The following MYBL2 variants were observed in gnomAD, a reference collection of about 807,000 sequenced individuals.
MYBL2 encodes the protein MYB proto-oncogene like 2, also known as myb-related protein B.
In MYBL2, 28 loss-of-function variants were observed where a neutral mutation model predicts 79.9. The observed-to-expected ratio is 0.35, with a 90% CI of 0.26 to 0.48. MYBL2 has a LOEUF of 0.48. MYBL2 is among the 20% of genes least tolerant of loss of function. MYBL2 has a pLI of 0.99. For synonymous variants in MYBL2, 378 were observed against 361.2 expected (o/e 1.05, Z -0.53); for missense variants, 735 against 893.9 (o/e 0.82, Z 2.27).
chr20:43,671,999 G>T (rs1986871402), intron 1 of MYBL2, among the ~76,000 whole-genome samples: 1 of 150,768 alleles, frequency 6.6e-6, no homozygotes. Context: ...CACGAGGTCA[G>T]GAGTTCAAGA....
chr20:43,669,889 G>A (rs1986818015), intron 1 of MYBL2, among the ~76,000 whole-genome samples: 1 of 152,166 alleles, frequency 6.6e-6, no homozygotes, highest in African/African-American at 2.4e-5. Flanking sequence ...ACTTTGGGAG[G>A]CCAAGAGTTC....
intron 7 of MYBL2, among the ~76,000 whole-genome samples, chr20:43,700,590 A>G (rs1411692606): frequency 1.3e-5 from 2 of 152,110 alleles, no homozygotes; most frequent in Non-Finnish European, 2.9e-5. Context: ...TGCATCGGCC[A>G]GGCCTGCTGT....
chr20:43,667,523 CTGTTGGGCCTCGGAGCTGGGACGG>C (rs1437013788), intron 1 of MYBL2, among the ~76,000 whole-genome samples: 2 of 152,136 alleles, frequency 1.3e-5, no homozygotes, highest in Non-Finnish European at 2.9e-5. Context: ...CTCCCCAGGC[CTGTTGGGCCTCGGAGCTGGGACGG>C]GCGGGTCTCT....
chr20:43,699,353 ATTAC>A (rs1987630493), intron 6 of MYBL2, among the ~76,000 whole-genome samples: 1 of 152,196 alleles, frequency 6.6e-6, no homozygotes, highest in South Asian at 2.1e-4. Flanking sequence ...ACCTCTGTGT[ATTAC>A]TTCTTTCATC....
At chr20:43,673,613 C>A in intron 1 of MYBL2, 193 bp from the exon 2 acceptor site, 1 of 669,262 alleles carries the variant, frequency 1.5e-6, no homozygotes, top group Non-Finnish European at 2.8e-6. Flanking sequence ...AATTCCAGCC[C>A]AGTGACAGAG....
rs560153894 is a variant in MYBL2, at chr20:43,713,022, G to T, written c.1740G>T (p.Lys580Asn). Residue 580 changes from lysine (K) to asparagine (N), a missense_variant, in exon 12 of 14, where the codon AAG becomes AAT. Lys to Asn is a moderately conservative substitution (Grantham distance 94). Around this residue, in one of 5 missense-constraint regions of MYBL2, gnomAD observed 204 missense variants for 202.9 expected, o/e 1.01. Transcript: ENST00000217026. ...CCTAGCTGCGGCGGAGCCCCATCAA[G>T]AAAGTCCGGAAGTCTCTGGCTCTTG... ...RKPGLRRSPI[K>N]KVRKSLALDI... 1.9e-5 allele frequency: 30 copies of T among 1,612,400 alleles called. No homozygotes were observed. Among genetic ancestry groups the T allele is most frequent in the Non-Finnish European group, 2.5e-5 (30 of 1,179,334 alleles).
chr20:43,669,439 C>T (rs923067672), intron 1 of MYBL2, among the ~76,000 whole-genome samples: 9 of 152,220 alleles, frequency 5.9e-5, no homozygotes, highest in African/African-American at 2.2e-4. Context: ...CTCCACAGCC[C>T]TCAGCCCATT....
In MYBL2 at chr20:43,667,556, C is replaced by G. The variant is rs889679397; in HGVS notation, c.20+253C>G. ...CCTCGGAGCTGGGACGGGCGGGTCT[C>G]TTGGGACCCGGGCCAAGCCGTGCAT... On this transcript the variant is annotated intron_variant, in intron 1 of 13. Transcript: ENST00000217026. Among the ~76,000 whole-genome samples, 12 of 152,196 alleles carry G rather than the reference C, an allele frequency of 7.9e-5. No homozygotes were observed. In the East Asian group the frequency reaches 2.3e-3, roughly 30 times the overall value.
chr20:43,673,699 C>T (rs747814829), intron 1 of MYBL2, 107 bp from the exon 2 acceptor site: 1 of 1,013,100 alleles, frequency 9.9e-7, no homozygotes, highest in Non-Finnish European at 1.6e-6. Context: ...AAGAGCCTCT[C>T]TCCCCCAGAC....
At chr20:43,689,346 G>A (rs932385458) in intron 5 of MYBL2, among the ~76,000 whole-genome samples, 1 of 152,140 alleles carries the variant, frequency 6.6e-6, no homozygotes, top group African/African-American at 2.4e-5. Context: ...GGCTTCCCCT[G>A]ACACTTGGGT....
intron 6 of MYBL2, among the ~76,000 whole-genome samples, chr20:43,698,307 C>T (rs1987598881): frequency 6.7e-6 from 1 of 149,186 alleles, no homozygotes; most frequent in Non-Finnish European, 1.5e-5. Context: ...GCCTTGGCCT[C>T]CCAAAGTGTT....
At chr20:43,686,805 C>T (rs373580243) in intron 4 of MYBL2, 47 bp from the exon 5 acceptor site, 72 of 1,574,892 alleles carry the variant, frequency 4.6e-5, no homozygotes, top group Non-Finnish European at 5.3e-5. Flanking sequence ...ATGGTGGGGG[C>T]GAGAGAGGGG....
chr20:43,703,953 A>G (rs1235700856), intron 8 of MYBL2, among the ~76,000 whole-genome samples: 1 of 150,738 alleles, frequency 6.6e-6, no homozygotes, highest in Non-Finnish European at 1.5e-5. Context: ...TTCTTGTAAA[A>G]CCTCTTATTT....
At chr20:43,705,104 CAG>C (rs1195719576) in intron 8 of MYBL2, 113 bp from the exon 9 acceptor site, 7 of 1,359,258 alleles carry the variant, frequency 5.1e-6, no homozygotes, top group East Asian at 2.3e-5. Flanking sequence ...ACCTCAGTAT[CAG>C]AGCAGACGTT....
chr20:43,696,712 A>G (rs570997475), intron 6 of MYBL2, among the ~76,000 whole-genome samples: 3 of 152,404 alleles, frequency 2.0e-5, no homozygotes, highest in African/African-American at 7.2e-5. Flanking sequence ...TTCTTTGTAC[A>G]TTTGCTGAAC....
chr20:43,699,684 G>A, intron 6 of MYBL2, 73 bp from the exon 7 acceptor site: 2 of 1,487,222 alleles, frequency 1.3e-6, no homozygotes, highest in East Asian at 2.3e-5. Flanking sequence ...TTCAGGTTGT[G>A]TGGTTTAGCT....
rs1459705349 is a variant in MYBL2, at chr20:43,702,705, G to A, written c.1167G>A (p.Leu389=). The change falls in exon 8 of 14, where the codon CTG becomes CTA. Residue 389 remains leucine (L), a synonymous_variant. Coordinates refer to ENST00000217026, the MANE Select transcript of MYBL2 (RefSeq NM_002466.4). ...TGAGCCGGAGCAGCCGGGGCGAGCT[G>A]ATCCCCATCTCCCCCAGCACTGAAG... ...SDLSRSSRGE[L]IPISPSTEVG... 4.3e-6 allele frequency: 7 copies of A among 1,613,718 alleles called. No homozygotes were observed. Among genetic ancestry groups the A allele is most frequent in the Non-Finnish European group, 5.9e-6 (7 of 1,179,692 alleles).
In MYBL2 at chr20:43,705,331, A is replaced by G; in HGVS notation, c.1478A>G (p.Lys493Arg). Residue 493 changes from lysine (K) to arginine (R), a missense_variant, in exon 9 of 14, where the codon AAG becomes AGG. Coordinates refer to ENST00000217026, the MANE Select transcript of MYBL2 (RefSeq NM_002466.4). ...VVVTTPLHRD[K>R]TPLHQKHAAF... Reference sequence around the variant, plus strand: ...GTCACCACACCACTGCACCGGGACAAGACACCCCTGCACCAGAAACATGCT... The same window carrying G: ...GTCACCACACCACTGCACCGGGACAGGACACCCCTGCACCAGAAACATGCT... The G allele has an allele frequency of 1.2e-6, 2 of 1,613,486 alleles. No individual in the cohort carries two copies. The highest frequency in any genetic ancestry group is 1.7e-6 in the Non-Finnish European group (2 of 1,179,774).
At chr20:43,693,225 T>C (rs1987454755) in intron 6 of MYBL2, among the ~76,000 whole-genome samples, 1 of 152,126 alleles carries the variant, frequency 6.6e-6, no homozygotes. Flanking sequence ...AGAGATGGGG[T>C]TTCACCACGT....
Sources: allele counts gnomAD v4.1 joint callset (sites outside exome capture counted in the v4.1 genomes callset), GRCh38; gene constraint gnomAD v4.1.1; regional missense constraint gnomAD v4.1.1; transcripts MANE v1.5; gene names NCBI Gene and HGNC (gene_info 2026-07-23, HGNC 2026-07-21).